ASB4: variants seen among roughly 807,000 people sequenced by gnomAD.
ASB4 encodes ankyrin repeat and SOCS box protein 4.
Under a neutral mutation model 38.6 loss-of-function variants are expected in ASB4, and 35 were observed. The observed-to-expected ratio is 0.91, with a 90% CI of 0.69 to 1.20. The LOEUF is 1.20. Ranked by LOEUF, ASB4 falls within the 50% of genes most tolerant of loss-of-function variation. The pLI, the probability that ASB4 is intolerant of heterozygous loss-of-function variation, is 0.00. For synonymous variants in ASB4, 195 were observed against 201.3 expected, an observed-to-expected ratio of 0.97 and a Z score of 0.26; for missense variants, 557 against 527.2, an observed-to-expected ratio of 1.06 and a Z score of -0.55.
intron 2 of ASB4, among the ~76,000 whole-genome samples, chr7:95,512,385 G>C (rs1003022176): frequency 6.6e-6 from 1 of 152,174 alleles, no homozygotes; most frequent in South Asian, 2.1e-4. Context: ...ATTATGTAAG[G>C]CTCTTTTCCC....
downstream of ASB4, among the ~76,000 whole-genome samples, chr7:95,544,991 T>C (rs1791013308): frequency 6.6e-6 from 1 of 152,028 alleles, no homozygotes; most frequent in African/African-American, 2.4e-5. Context: ...CCCAGCCAGA[T>C]ATGACAGGGT....
rs866838519 is a variant in ASB4 at position 95,507,953 on chromosome 7, G to T, written c.487+11896G>T. On this transcript the variant is annotated intron_variant, in intron 2 of 4. Coordinates refer to ENST00000325885, the MANE Select transcript of ASB4 (RefSeq NM_016116.3). ...CGGATGCAGAAGTCAGAGTGGGGGG[G>T]ATTGAGAACTAAAAAGGAGGGTGTC... 1.3e-4 allele frequency among the ~76,000 whole-genome samples: 20 copies of T among 152,238 alleles called. 2 individuals carry two copies. The South Asian group carries it at 1.5e-3, about 11-fold the overall frequency.
At chr7:95,518,208 A>G (rs1270125793) in intron 2 of ASB4, among the ~76,000 whole-genome samples, 1 of 152,242 alleles carries the variant, frequency 6.6e-6, no homozygotes, top group Admixed American at 6.5e-5. Context: ...ATGGAAGACC[A>G]CGCTTTCTAG....
intron 2 of ASB4, among the ~76,000 whole-genome samples, chr7:95,518,437 C>T (rs1232708637): frequency 6.6e-6 from 1 of 152,234 alleles, no homozygotes; most frequent in African/African-American, 2.4e-5. Flanking sequence ...AATGGAGGGC[C>T]TTGATTCTGA....
At chr7:95,510,625 C>T (rs1790466560) in intron 2 of ASB4, among the ~76,000 whole-genome samples, 2 of 152,130 alleles carry the variant, frequency 1.3e-5, no homozygotes, top group South Asian at 2.1e-4. Context: ...GGTCAATTTT[C>T]TCAAGTTTGG....
At chr7:95,495,188 G>C (rs765318890) in intron 1 of ASB4, among the ~76,000 whole-genome samples, 1 of 152,114 alleles carries the variant, frequency 6.6e-6, no homozygotes, top group Non-Finnish European at 1.5e-5. Flanking sequence ...TTTGGAAAGC[G>C]ATATTGCATA....
chr7:95,540,928 C>G (rs372512756), downstream of ASB4, among the ~76,000 whole-genome samples: 18 of 152,328 alleles, frequency 1.2e-4, no homozygotes, highest in African/African-American at 4.3e-4. Flanking sequence ...ACAGCTGAGT[C>G]TTACGTTTTT....
At chr7:95,489,107 G>A (rs1790135066) in intron 1 of ASB4, among the ~76,000 whole-genome samples, 1 of 152,190 alleles carries the variant, frequency 6.6e-6, no homozygotes, top group African/African-American at 2.4e-5. Context: ...AAGCCTATAT[G>A]AAAGTCAGTG....
intron 2 of ASB4, among the ~76,000 whole-genome samples, chr7:95,525,246 A>C (rs1398536948): frequency 6.6e-6 from 1 of 152,166 alleles, no homozygotes; most frequent in Non-Finnish European, 1.5e-5. Context: ...CAGTCTCCAG[A>C]GGTGTGGGAG....
At chr7:95,476,279 C>T (rs1789975679), upstream of ASB4, among the ~76,000 whole-genome samples, 1 of 152,188 alleles carries the variant, frequency 6.6e-6, no homozygotes, top group South Asian at 2.1e-4. Flanking sequence ...GGCTTCCAGC[C>T]CAGCCCAGAG....
intron 2 of ASB4, among the ~76,000 whole-genome samples, chr7:95,525,691 G>A (rs1790727314): frequency 6.6e-6 from 1 of 152,170 alleles, no homozygotes; most frequent in Non-Finnish European, 1.5e-5. Context: ...CCCTGCACAT[G>A]GCTTCTGGGA....
chr7:95,519,463 G>T (rs1790630174), intron 2 of ASB4, among the ~76,000 whole-genome samples: 1 of 152,166 alleles, frequency 6.6e-6, no homozygotes, highest in Non-Finnish European at 1.5e-5. Context: ...TTTCATAAAA[G>T]AATGCATGAC....
At chr7:95,521,193 G>A (rs1253049542) in intron 2 of ASB4, among the ~76,000 whole-genome samples, 1 of 151,966 alleles carries the variant, frequency 6.6e-6, no homozygotes, top group African/African-American at 2.4e-5. Context: ...TTCTGATTAT[G>A]TTTTCAATAC....
intron 2 of ASB4, among the ~76,000 whole-genome samples, chr7:95,517,290 T>A (rs1790596677): frequency 6.6e-6 from 1 of 152,114 alleles, no homozygotes; most frequent in African/African-American, 2.4e-5. Context: ...TGCCTCAGAC[T>A]CCCCAAATGC....
intron 1 of ASB4, among the ~76,000 whole-genome samples, chr7:95,488,914 T>C (rs780122082): frequency 8.5e-5 from 13 of 152,226 alleles, no homozygotes; most frequent in Non-Finnish European, 1.6e-4. Flanking sequence ...ATAACGAATC[T>C]CATGCTACTC....
At chr7:95,547,020 G>A in the ASB4 span, among the ~76,000 whole-genome samples, 9 of 152,116 alleles carry the variant, frequency 5.9e-5, no homozygotes, top group Admixed American at 2.0e-4. Context: ...TTTAATAGGC[G>A]AATTAGGTTA....
the ASB4 span, among the ~76,000 whole-genome samples, chr7:95,549,372 C>T: frequency 7.0e-6 from 1 of 142,012 alleles, no homozygotes; most frequent in Non-Finnish European, 1.5e-5. Flanking sequence ...TCTCCACTCA[C>T]TGCAAGCTCC....
chr7:95,481,772 G>A (rs576536607), upstream of ASB4, among the ~76,000 whole-genome samples: 18 of 152,240 alleles, frequency 1.2e-4, no homozygotes, highest in African/African-American at 4.1e-4. Context: ...AGGGTCTTAC[G>A]GGCCACTTGC....
At chr7:95,487,126 G>A (rs1023030114) in intron 1 of ASB4, among the ~76,000 whole-genome samples, 1 of 152,098 alleles carries the variant, frequency 6.6e-6, no homozygotes, top group Non-Finnish European at 1.5e-5. Context: ...AGATACAAAT[G>A]CTAATGGTAC....
Sources: gnomAD v4.1 joint callset for allele counts (sites outside exome capture counted in the v4.1 genomes callset) on GRCh38, gnomAD v4.1.1 for gene constraint, MANE v1.5 for transcripts, NCBI Gene and HGNC (gene_info 2026-07-23, HGNC 2026-07-21) for gene names.